RPS19: variants seen among roughly 807,000 people sequenced by gnomAD.
RPS19 encodes ribosomal protein S19, also known as small ribosomal subunit protein eS19.
In RPS19, 1 loss-of-function variant was observed where a neutral mutation model predicts 20.3. The ratio of observed to expected loss-of-function variants is 0.05; its 90% CI spans 0.02 to 0.23. The LOEUF (loss-of-function observed/expected upper bound fraction) is 0.23. Ranked by LOEUF, RPS19 falls within the 10% of genes least tolerant of loss-of-function variation. The probability of loss-of-function intolerance (pLI) is 1.00; values close to 1 mark genes in which losing one functional copy is unlikely to be tolerated. For synonymous variants in RPS19, 87 were observed against 74.8 expected (o/e 1.16, Z -0.84); for missense variants, 111 against 192.7 (o/e 0.58, Z 2.51).
intron 5 of RPS19, among the ~76,000 whole-genome samples, 175 bp from the exon 6 acceptor site, chr19:41,871,176 T>C (rs2075754): frequency 0.46 from 69,119 of 151,462 alleles, 16,657 homozygotes; most frequent in Middle Eastern, 0.69. Context: ...CCCTTGAGAC[T>C]CAGTTTCCAC....
At chr19:41,862,898 C>T (rs962444575) in intron 3 of RPS19, among the ~76,000 whole-genome samples, 3 of 152,136 alleles carry the variant, frequency 2.0e-5, no homozygotes, top group East Asian at 3.8e-4. Flanking sequence ...TGTGGTAGAC[C>T]AGAGGCCTGT....
At chr19:41,865,741 G>C (rs887541212) in intron 3 of RPS19, among the ~76,000 whole-genome samples, 1 of 151,452 alleles carries the variant, frequency 6.6e-6, no homozygotes, top group East Asian at 1.9e-4. Context: ...GAGGTCAAGA[G>C]ATCGAGACCA....
At chr19:41,870,681 C>T (rs1180301948) in intron 5 of RPS19, among the ~76,000 whole-genome samples, 4 of 151,914 alleles carry the variant, frequency 2.6e-5, no homozygotes, top group Non-Finnish European at 5.9e-5. Flanking sequence ...AGTCAAGTGT[C>T]ACAAAAGAAT....
intron 3 of RPS19, 123 bp from the exon 4 acceptor site, chr19:41,868,908 G>A: frequency 9.9e-7 from 1 of 1,014,654 alleles, no homozygotes; most frequent in Non-Finnish European, 1.5e-6. Flanking sequence ...GTTTCTGGGT[G>A]TTAGTGTGTG....
intron 4 of RPS19, 82 bp downstream of exon 4, chr19:41,869,296 T>G (rs1568795604): frequency 1.5e-6 from 2 of 1,319,328 alleles, no homozygotes; most frequent in African/African-American, 1.5e-5. Context: ...TCCTGCATAG[T>G]CTGCCCAGCC....
intron 3 of RPS19, among the ~76,000 whole-genome samples, chr19:41,867,662 G>A (rs1193647235): frequency 1.3e-5 from 2 of 152,124 alleles, no homozygotes; most frequent in African/African-American, 4.8e-5. Context: ...ATTAATACAG[G>A]CCAGACATGG....
At chr19:41,861,283 T>A (rs1455878595) in intron 3 of RPS19, 71 bp downstream of exon 3, 1 of 1,122,718 alleles carries the variant, frequency 8.9e-7, no homozygotes, top group Admixed American at 1.8e-5. Context: ...TACTTCCCTG[T>A]CTCCTCTGAG....
chr19:41,862,881 A>C (rs528921516), intron 3 of RPS19, among the ~76,000 whole-genome samples: 174 of 152,104 alleles, frequency 1.1e-3, no homozygotes, highest in Non-Finnish European at 2.2e-3. Context: ...GCGGCATAGG[A>C]TGGTTGTGTG....
At chr19:41,868,976 G>T in intron 3 of RPS19, 55 bp from the exon 4 acceptor site, 1 of 1,553,736 alleles carries the variant, frequency 6.4e-7, no homozygotes, top group Admixed American at 1.7e-5. Flanking sequence ...ACAAGGAATT[G>T]TTTACCTGAG....
intron 1 of RPS19, 184 bp from the exon 2 acceptor site, chr19:41,860,591 C>T: frequency 1.0e-5 from 7 of 691,606 alleles, no homozygotes; most frequent in Admixed American, 8.1e-5. Context: ...CCAGAGAGGC[C>T]GTGGGCGTCG....
intron 3 of RPS19, among the ~76,000 whole-genome samples, chr19:41,861,865 G>A (rs541248153): frequency 5.3e-5 from 8 of 152,272 alleles, no homozygotes; most frequent in South Asian, 2.1e-4. Flanking sequence ...TGCCAGCCCC[G>A]TCTCTTTTCA....
intron 4 of RPS19, 34 bp downstream of exon 4, chr19:41,869,248 T>C (rs1555841395): frequency 6.3e-7 from 1 of 1,577,270 alleles, no homozygotes; most frequent in Admixed American, 1.7e-5. Context: ...ATTGATGGAG[T>C]AGCCTTGAGG....
chr19:41,861,085 G>A (rs1376469858), intron 2 of RPS19, 27 bp from the exon 3 acceptor site: 7 of 1,571,964 alleles, frequency 4.5e-6, no homozygotes, highest in African/African-American at 1.3e-5. Context: ...TGACTGAATC[G>A]TGCTTTTCCC....
At chr19:41,868,912 GTGTGTGTTTT>G (rs2074115953) in intron 3 of RPS19, 109 bp from the exon 4 acceptor site, 2 of 1,043,242 alleles carry the variant, frequency 1.9e-6, no homozygotes, top group Non-Finnish European at 2.9e-6. Context: ...CTGGGTGTTA[GTGTGTGTTTT>G]CAGTTTCCCT....
At chr19:41,860,981 G>T in intron 2 of RPS19, 131 bp from the exon 3 acceptor site, 1 of 1,107,286 alleles carries the variant, frequency 9.0e-7, no homozygotes, top group South Asian at 1.2e-5. Context: ...GTGAGGCCTG[G>T]CTTGTGTTCC....
At chr19:41,862,209 C>T (rs539439214) in intron 3 of RPS19, among the ~76,000 whole-genome samples, 1 of 152,278 alleles carries the variant, frequency 6.6e-6, no homozygotes, top group Admixed American at 6.5e-5. Flanking sequence ...TTGCTTGGCC[C>T]TTCAGAATAT....
chr19:41,861,453 A>G, intron 3 of RPS19: 2 of 547,484 alleles, frequency 3.7e-6, no homozygotes, highest in Non-Finnish European at 6.6e-6. Flanking sequence ...AACCAGAGAC[A>G]GATGAATGTT....
intron 3 of RPS19, among the ~76,000 whole-genome samples, chr19:41,862,005 T>C (rs1555839383): frequency 6.6e-6 from 1 of 150,564 alleles, no homozygotes; most frequent in East Asian, 2.0e-4. Flanking sequence ...TGCCGTGTTA[T>C]GTCAAGGTGA....
At chr19:41,868,076 TG>T (rs1361627893) in intron 3 of RPS19, among the ~76,000 whole-genome samples, 8 of 152,186 alleles carry the variant, frequency 5.3e-5, no homozygotes, top group African/African-American at 7.2e-5. Flanking sequence ...TTCCCCCACT[TG>T]ATCTTTAGAA....
Sources: allele counts gnomAD v4.1 joint callset (sites outside exome capture counted in the v4.1 genomes callset), GRCh38; gene constraint gnomAD v4.1.1; transcripts MANE v1.5; gene names NCBI Gene and HGNC (gene_info 2026-07-23, HGNC 2026-07-21).